Variants in INTS15 observed in about 807,000 individuals in gnomAD.
The protein encoded by INTS15 is uncharacterized protein C7orf26.
At chr7:6,607,045 C>T in the INTS15 span, among the ~76,000 whole-genome samples, 1 of 151,828 alleles carries the variant, frequency 6.6e-6, no homozygotes, top group South Asian at 2.1e-4. The surrounding 1 kb of genome is among the most constrained non-coding windows in gnomAD (Gnocchi z 6.0). Flanking sequence ...TGGTCGTTTC[C>T]GGCTGACACA....
the INTS15 span, among the ~76,000 whole-genome samples, chr7:6,604,843 G>A: frequency 6.6e-6 from 1 of 152,166 alleles, no homozygotes; most frequent in Non-Finnish European, 1.5e-5. Flanking sequence ...TGTCTGGATG[G>A]GTACAAAGCC....
chr7:6,591,001 G>A, the INTS15 span, among the ~76,000 whole-genome samples: 1 of 151,598 alleles, frequency 6.6e-6, no homozygotes, highest in East Asian at 1.9e-4. Context: ...ACCATGCCCA[G>A]CTAATTTTTG....
the INTS15 span, chr7:6,590,409 G>A: frequency 4.4e-6 from 7 of 1,605,634 alleles, no homozygotes; most frequent in South Asian, 5.6e-5. Flanking sequence ...TCGTGGACAA[G>A]GGCCCCGTGG....
At chr7:6,600,426 C>A in the INTS15 span, 3 of 1,433,436 alleles carry the variant, frequency 2.1e-6, no homozygotes, top group Admixed American at 2.4e-5. Flanking sequence ...AGGAGGGGCT[C>A]CTGGACAGAC....
At chr7:6,599,479 G>A in the INTS15 span, among the ~76,000 whole-genome samples, 6 of 152,338 alleles carry the variant, frequency 3.9e-5, no homozygotes, top group East Asian at 9.6e-4. Flanking sequence ...GTGACGTGTG[G>A]CAGTGTGGGA....
At chr7:6,596,531 A>G in the INTS15 span, among the ~76,000 whole-genome samples, 3,514 of 150,568 alleles carry the variant, frequency 0.023, 66 homozygotes, top group Middle Eastern at 0.052. Flanking sequence ...GGTGTGCGCC[A>G]CCACACCCGG....
At chr7:6,605,944 C>T in the INTS15 span, among the ~76,000 whole-genome samples, 1 of 152,176 alleles carries the variant, frequency 6.6e-6, no homozygotes, top group South Asian at 2.1e-4. Flanking sequence ...GGTGATCTGC[C>T]TTCCTCGGCA....
chr7:6,591,013 A>G, the INTS15 span, among the ~76,000 whole-genome samples: 2 of 151,250 alleles, frequency 1.3e-5, no homozygotes, highest in African/African-American at 4.9e-5. Context: ...TAATTTTTGA[A>G]TGTTTTGTAG....
At chr7:6,594,701 C>T in the INTS15 span, 2 of 1,103,850 alleles carry the variant, frequency 1.8e-6, no homozygotes, top group Non-Finnish European at 2.6e-6. Context: ...AATGCTTTGG[C>T]TGTTTTGTCT....
At chr7:6,602,204 AG>A in the INTS15 span, 1 of 1,409,396 alleles carries the variant, frequency 7.1e-7, no homozygotes, top group African/African-American at 1.4e-5. Context: ...GAGGCAAGAC[AG>A]GGCGAGCCCC....
chr7:6,600,729 C>G, the INTS15 span, among the ~76,000 whole-genome samples: 1 of 152,186 alleles, frequency 6.6e-6, no homozygotes, highest in Non-Finnish European at 1.5e-5. Flanking sequence ...ACGATCTCAA[C>G]TCAGTGCAAC....
the INTS15 span, among the ~76,000 whole-genome samples, chr7:6,599,203 G>A: frequency 6.6e-6 from 1 of 152,188 alleles, no homozygotes. Flanking sequence ...TGTGTAAAGC[G>A]TTGAGACCTG....
the INTS15 span, chr7:6,591,703 G>A: frequency 6.2e-7 from 1 of 1,614,098 alleles, no homozygotes; most frequent in Non-Finnish European, 8.5e-7. Context: ...TTATTTCCAG[G>A]AGCAAACCAA....
At chr7:6,600,890 A>G in the INTS15 span, among the ~76,000 whole-genome samples, 13 of 152,016 alleles carry the variant, frequency 8.6e-5, no homozygotes, top group African/African-American at 2.2e-4. Flanking sequence ...TGCCACCTCT[A>G]CCATCCAAAG....
the INTS15 span, among the ~76,000 whole-genome samples, chr7:6,595,416 G>C: frequency 1.3e-5 from 2 of 152,014 alleles, no homozygotes; most frequent in African/African-American, 2.4e-5. Context: ...CTCCCACCTC[G>C]GCCTCCTAAA....
the INTS15 span, chr7:6,600,103 C>G: frequency 2.5e-6 from 4 of 1,614,120 alleles, no homozygotes; most frequent in South Asian, 2.2e-5. Context: ...ACTCCCACCT[C>G]TTGTACTCAA....
the INTS15 span, chr7:6,594,569 C>T: frequency 6.2e-7 from 1 of 1,614,136 alleles, no homozygotes; most frequent in Non-Finnish European, 8.5e-7. Context: ...AGTTCATCAC[C>T]TCCGTTACCG....
the INTS15 span, chr7:6,607,522 C>A: frequency 4.6e-6 from 6 of 1,310,432 alleles, no homozygotes; most frequent in Admixed American, 4.6e-5. The surrounding 1 kb of genome is among the most constrained non-coding windows in gnomAD (Gnocchi z 6.0). Context: ...GCACCGGACT[C>A]ATTCTGAATT....
At chr7:6,600,281 A>G in the INTS15 span, 1 of 1,614,166 alleles carries the variant, frequency 6.2e-7, no homozygotes, top group South Asian at 1.1e-5. Flanking sequence ...CTCCCAGGAG[A>G]TTGAGCTCTC....
Sources: allele counts gnomAD v4.1 joint callset (sites outside exome capture counted in the v4.1 genomes callset), GRCh38; gene constraint gnomAD v4.1.1; non-coding constraint Gnocchi (gnomAD v3.1); transcripts MANE v1.5; gene names NCBI Gene and HGNC (gene_info 2026-07-23, HGNC 2026-07-21).